SMC2: variants seen among roughly 807,000 people sequenced by gnomAD.
The protein encoded by SMC2 is structural maintenance of chromosomes protein 2.
In SMC2, 41 loss-of-function variants were observed where a neutral mutation model predicts 142.6. The ratio of observed to expected loss-of-function variants is 0.29; its 90% CI spans 0.22 to 0.37. The LOEUF is 0.37. Ranked by LOEUF, SMC2 falls within the 10% of genes least tolerant of loss-of-function variation. The probability of loss-of-function intolerance (pLI) is 1.00; values close to 1 mark genes in which losing one functional copy is unlikely to be tolerated. For synonymous variants in SMC2, 463 were observed against 457.5 expected (o/e 1.01, Z -0.15); for missense variants, 1,265 against 1,373.7 (o/e 0.92, Z 1.25).
intron 17 of SMC2, among the ~76,000 whole-genome samples, chr9:104,124,655 C>G (rs1344321689): frequency 6.6e-6 from 1 of 150,964 alleles, no homozygotes; most frequent in African/African-American, 2.4e-5. Flanking sequence ...GCTTCAATAC[C>G]TTTGTAAAAG....
chr9:104,119,969 T>G, intron 15 of SMC2, 58 bp from the exon 16 acceptor site: 1 of 1,519,070 alleles, frequency 6.6e-7, no homozygotes, highest in Non-Finnish European at 8.9e-7. Context: ...AGACTTTTTA[T>G]TGTGTAGTAC....
chr9:104,135,561 T>C (rs1370544031), intron 23 of SMC2, among the ~76,000 whole-genome samples: 1 of 152,100 alleles, frequency 6.6e-6, no homozygotes, highest in Admixed American at 6.6e-5. Flanking sequence ...ATGAATTCTG[T>C]AAACCCACAG....
chr9:104,118,628 A>G (rs1454921594), intron 15 of SMC2, among the ~76,000 whole-genome samples: 1 of 152,214 alleles, frequency 6.6e-6, no homozygotes, highest in Non-Finnish European at 1.5e-5. Context: ...TATTTGCCAC[A>G]CTGAGTTTGC....
intron 12 of SMC2, among the ~76,000 whole-genome samples, chr9:104,114,338 G>C (rs1027785940): frequency 4.6e-5 from 7 of 152,094 alleles, no homozygotes; most frequent in African/African-American, 1.4e-4. Context: ...AGTTCAAAAT[G>C]TCTTCAGAGT....
intron 1 of SMC2, among the ~76,000 whole-genome samples, 195 bp from the exon 2 acceptor site, chr9:104,095,129 G>T (rs1355452996): frequency 6.6e-6 from 1 of 152,224 alleles, no homozygotes; most frequent in African/African-American, 2.4e-5. Context: ...CTTCCCAGTT[G>T]AATGGTTTAA....
chr9:104,140,376 C>T lies in SMC2; in HGVS notation c.*1061C>T, dbSNP rs946430429. ...AGAATACTGTCTACAGTTTTTGGTA[C>T]GTCATCACTAGAACAGTGACCCCAA... On this transcript the variant is annotated 3_prime_UTR_variant, in exon 25 of 25. Coordinates refer to ENST00000374793, the MANE Select transcript of SMC2 (RefSeq NM_006444.3). 3 of 152,014 alleles carry T rather than the reference C, an allele frequency of 2.0e-5. No homozygotes were observed. Among genetic ancestry groups the T allele is most frequent in the Non-Finnish European group, 2.9e-5 (2 of 67,996 alleles). The allele number at this position is 152,014 out of a possible 1,614,324, so 9.4% of individuals were successfully genotyped here.
chr9:104,112,128 C>G (rs1323656822), intron 10 of SMC2, among the ~76,000 whole-genome samples: 9 of 152,126 alleles, frequency 5.9e-5, no homozygotes, highest in African/African-American at 1.9e-4. Context: ...ATTCTTGTCT[C>G]TTTTTGGCTA....
At chr9:104,112,963 G>T (rs1395964741) in intron 10 of SMC2, among the ~76,000 whole-genome samples, 2 of 152,172 alleles carry the variant, frequency 1.3e-5, no homozygotes, top group African/African-American at 4.8e-5. Flanking sequence ...CAACTAAGCG[G>T]AAAGGAAAAG....
At chr9:104,124,192 G>A (rs57861094) in intron 17 of SMC2, among the ~76,000 whole-genome samples, 8,638 of 152,096 alleles carry the variant, frequency 0.057, 662 homozygotes, top group African/African-American at 0.18. Context: ...CCTGGGTTCA[G>A]GTGCCTTCCT....
intron 11 of SMC2, 61 bp from the exon 12 acceptor site, chr9:104,113,903 C>CT (rs1832776227): frequency 3.9e-6 from 4 of 1,024,798 alleles, no homozygotes; most frequent in Non-Finnish European, 1.4e-6. Context: ...TAATATTTTC[C>CT]TTAAAACAGT....
intron 21 of SMC2, among the ~76,000 whole-genome samples, chr9:104,130,894 T>C (rs1248868008): frequency 6.6e-6 from 1 of 152,172 alleles, no homozygotes; most frequent in East Asian, 1.9e-4. Flanking sequence ...GAAGCCTATA[T>C]TGTTGATCAG....
chr9:104,095,766 G>A (rs1830384940), intron 2 of SMC2, among the ~76,000 whole-genome samples: 1 of 152,158 alleles, frequency 6.6e-6, no homozygotes, highest in Non-Finnish European at 1.5e-5. Flanking sequence ...CAAAACTCAG[G>A]CATTCTGACT....
intron 10 of SMC2, among the ~76,000 whole-genome samples, chr9:104,112,678 A>G (rs1832610457): frequency 1.3e-5 from 2 of 152,162 alleles, no homozygotes; most frequent in South Asian, 4.1e-4. Context: ...AAAATACATC[A>G]TTATACAGTT....
intron 16 of SMC2, among the ~76,000 whole-genome samples, chr9:104,121,528 T>C (rs775745469): frequency 3.3e-5 from 5 of 152,052 alleles, no homozygotes; most frequent in Admixed American, 1.3e-4. Context: ...AAAGTTCAAT[T>C]GTTATTTTTT....
At chr9:104,096,393 A>G (rs1485838803) in intron 3 of SMC2, 96 bp downstream of exon 3, 1 of 1,172,258 alleles carries the variant, frequency 8.5e-7, no homozygotes, top group South Asian at 1.5e-5. Context: ...GAGAAAGTTC[A>G]TGAGCAAAAT....
chr9:104,123,031 A>G, intron 16 of SMC2, 77 bp from the exon 17 acceptor site: 1 of 1,432,290 alleles, frequency 7.0e-7, no homozygotes, highest in South Asian at 1.3e-5. Context: ...ATTTAAGGTA[A>G]GAATCTGAAG....
chr9:104,110,212 A>G (rs1487804129), intron 9 of SMC2, among the ~76,000 whole-genome samples: 1 of 152,226 alleles, frequency 6.6e-6, no homozygotes, highest in Non-Finnish European at 1.5e-5. Context: ...AAATGCTCCC[A>G]AAAAGCAGAG....
At chr9:104,093,297 T>C (rs1830094370), upstream of SMC2, among the ~76,000 whole-genome samples, 1 of 152,140 alleles carries the variant, frequency 6.6e-6, no homozygotes, top group Non-Finnish European at 1.5e-5. Flanking sequence ...CGTTTTTTCT[T>C]CCTAAAGAAC....
intron 9 of SMC2, among the ~76,000 whole-genome samples, chr9:104,104,357 T>A (rs1831512130): frequency 6.6e-6 from 1 of 152,192 alleles, no homozygotes; most frequent in South Asian, 2.1e-4. Context: ...AAGTCTAGGA[T>A]TCATTGCAAG....
Sources: gnomAD v4.1 joint callset for allele counts (sites outside exome capture counted in the v4.1 genomes callset) on GRCh38, gnomAD v4.1.1 for gene constraint, MANE v1.5 for transcripts, NCBI Gene and HGNC (gene_info 2026-07-23, HGNC 2026-07-21) for gene names.